C19orf81: variants seen among roughly 807,000 people sequenced by gnomAD.
The protein encoded by C19orf81 is chromosome 19 open reading frame 81.
Under a neutral mutation model 22.1 loss-of-function variants are expected in C19orf81, and 19 were observed. The ratio of observed to expected loss-of-function variants is 0.86; its 90% confidence interval spans 0.60 to 1.26. The LOEUF (loss-of-function observed/expected upper bound fraction) is 1.26, where lower values mean the gene tolerates loss of function less well. Among genes scored for constraint, C19orf81 ranks in the 50% most tolerant of loss-of-function variants. C19orf81 has a pLI of 0.00. For synonymous variants in C19orf81, 108 were observed against 113.1 expected, an observed-to-expected ratio of 0.95 and a Z score of 0.29; for missense variants, 287 against 280.7, an observed-to-expected ratio of 1.02 and a Z score of -0.16.
intron 1 of C19orf81, among the ~76,000 whole-genome samples, chr19:50,654,595 C>CTCCA (rs1984951776): frequency 6.6e-6 from 1 of 150,384 alleles, no homozygotes; most frequent in African/African-American, 2.5e-5. Flanking sequence ...CTGCACCAGG[C>CTCCA]TCCGTCCCTC....
intron 1 of C19orf81, among the ~76,000 whole-genome samples, chr19:50,651,292 C>T (rs1182686981): frequency 6.6e-6 from 1 of 152,192 alleles, no homozygotes; most frequent in Non-Finnish European, 1.5e-5. Flanking sequence ...AAAACCTTGG[C>T]CCATGCTAGG....
chr19:50,649,703 T>C (rs1984837832), intron 1 of C19orf81, 192 bp downstream of exon 1: 1 of 709,120 alleles, frequency 1.4e-6, no homozygotes, highest in Admixed American at 2.0e-5. Flanking sequence ...CCCATGAGCC[T>C]CTGCAGTTCC....
chr19:50,650,442 A>G (rs1430467896), intron 1 of C19orf81, among the ~76,000 whole-genome samples: 1 of 152,196 alleles, frequency 6.6e-6, no homozygotes, highest in Non-Finnish European at 1.5e-5. Context: ...GGCCGAGGTG[A>G]GTGGATCACC....
chr19:50,658,587 G>A (rs552621730), intron 4 of C19orf81: 1 of 265,500 alleles, frequency 3.8e-6, no homozygotes, highest in Admixed American at 4.9e-5. Flanking sequence ...GCTGTGAGGG[G>A]GTGGAAGAGA....
chr19:50,651,123 A>G (rs1222881456), intron 1 of C19orf81, among the ~76,000 whole-genome samples: 2 of 152,184 alleles, frequency 1.3e-5, no homozygotes, highest in African/African-American at 4.8e-5. Context: ...TGCCTAATGG[A>G]TGAAACGGCC....
intron 3 of C19orf81, among the ~76,000 whole-genome samples, chr19:50,657,052 T>C (rs536472815): frequency 2.2e-4 from 33 of 151,850 alleles, no homozygotes; most frequent in African/African-American, 6.0e-4. Context: ...AAAGAGGTCA[T>C]GTTTTTGACA....
At chr19:50,649,572 GC>G in intron 1 of C19orf81, 61 bp downstream of exon 1, 1 of 1,510,500 alleles carries the variant, frequency 6.6e-7, no homozygotes, top group South Asian at 1.2e-5. Flanking sequence ...GTGCGTAGTA[GC>G]CCGGGCTCAC....
rs1007445473 is a variant in C19orf81, at chr19:50,656,122, C to T, written c.140C>T (p.Ser47Leu). 10 of 1,536,132 alleles carry T rather than the reference C, an allele frequency of 6.5e-6. No individual in the cohort carries two copies. The highest frequency in any genetic ancestry group is 2.0e-5 in the Admixed American group (1 of 51,004). ...AGCCTGGGCAGGCCCATCAAATCCT[C>T]GTGAGTTGTCCCTGGCCCCCATGAC... ...ARSLGRPIKS[S>L]KQYLRQVIAE... is the part of the protein sequence containing the mutation. The change falls in exon 2 of 5, where the codon TCA becomes TTA. Residue 47 changes from serine to leucine, a missense_variant and splice_region_variant. Physicochemically the swap from Ser to Leu is moderately radical, Grantham distance 145 (BLOSUM62 -2). Coordinates refer to ENST00000425202, the MANE Select transcript of C19orf81 (RefSeq NM_001195076.2).
In C19orf81 at chr19:50,654,613, CCCTT is replaced by C. The variant is rs200893812; in HGVS notation, c.68-1419_68-1416del. On this transcript the variant is annotated intron_variant, in intron 1 of 4. Coordinates refer to ENST00000425202, the MANE Select transcript of C19orf81 (RefSeq NM_001195076.2). ...CACCAGGCTCCGTCCCTCCCTCCCT[CCCTT>C]CCTTCCTTCCTTCCTTCTCTCTTTC... is the stretch of plus-strand genomic sequence containing the variant. 7.6e-3 allele frequency among the ~76,000 whole-genome samples: 1,136 copies of C among 149,220 alleles called. 12 individuals carry two copies. The highest frequency in any genetic ancestry group is 0.012 in the Non-Finnish European group (798 of 67,240).
intron 4 of C19orf81, 90 bp downstream of exon 4, chr19:50,658,218 T>A: frequency 2.3e-6 from 3 of 1,308,474 alleles, no homozygotes; most frequent in South Asian, 2.9e-5. Flanking sequence ...TTTAGAGCGC[T>A]GAGGGACGTG....
chr19:50,650,160 C>T (rs1205748782), intron 1 of C19orf81, among the ~76,000 whole-genome samples: 1 of 152,172 alleles, frequency 6.6e-6, no homozygotes, highest in African/African-American at 2.4e-5. Context: ...TTGCTCATAA[C>T]ACTTCCTAGC....
At chr19:50,656,993 AAGGG>A (rs1178065174) in intron 3 of C19orf81, among the ~76,000 whole-genome samples, 2 of 127,064 alleles carry the variant, frequency 1.6e-5, no homozygotes, top group Non-Finnish European at 3.4e-5. Context: ...GGAAGGAAGG[AAGGG>A]AGGGAGGGAA....
intron 3 of C19orf81, among the ~76,000 whole-genome samples, chr19:50,657,287 C>T (rs189385526): frequency 1.1e-3 from 166 of 152,330 alleles, no homozygotes; most frequent in African/African-American, 3.8e-3. Context: ...CACTCCACTT[C>T]TTTGTGGCTT....
At chr19:50,655,947 C>T (rs1984984656) in intron 1 of C19orf81, 103 bp from the exon 2 acceptor site, 4 of 1,079,248 alleles carry the variant, frequency 3.7e-6, no homozygotes, top group Non-Finnish European at 5.4e-6. Flanking sequence ...GGCATACAAG[C>T]TATTCTGGGT....
rs1465267526 is a variant in C19orf81 at position 50,659,218 on chromosome 19, G to A, written c.*76G>A. ...CACCCACCCGGAGCCCCGGAGGACA[G>A]GGGGCGTTGCCTTCCCAGGAAGGAG... is the stretch of plus-strand genomic sequence containing the variant. On this transcript the variant is annotated 3_prime_UTR_variant, in exon 5 of 5. Transcript: ENST00000425202. 8.3e-7 allele frequency: 1 copy of A among 1,208,912 alleles called. No individual in the cohort carries two copies. The highest frequency in any genetic ancestry group is 1.0e-6 in the Non-Finnish European group (1 of 957,094). 74.9% of individuals were successfully genotyped at this position (1,208,912 alleles called of 1,614,324 possible). A position where few individuals can be genotyped will look rare whatever the true frequency, so the allele number is the denominator to read the frequency against.
At chr19:50,658,412 A>C (rs1985052089) in intron 4 of C19orf81, 2 of 379,240 alleles carry the variant, frequency 5.3e-6, no homozygotes, top group African/African-American at 2.1e-5. Flanking sequence ...GGGACTAGAT[A>C]AGAGCGAGAT....
chr19:50,652,087 G>C (rs766910296), intron 1 of C19orf81, among the ~76,000 whole-genome samples: 1 of 152,114 alleles, frequency 6.6e-6, no homozygotes, highest in African/African-American at 2.4e-5. Flanking sequence ...GGGCTCAAGC[G>C]ATCCTCCTGC....
chr19:50,658,934 A>T lies in C19orf81; in HGVS notation c.402-13A>T. On this transcript the variant is annotated splice_polypyrimidine_tract_variant and intron_variant, in intron 4 of 4. Transcript: ENST00000425202. ...ACCTGCGAGTTCCTTTTCCGTCCCC[A>T]CCCCCCTTACAGGTGGCTCATCGCG... 4 of 1,447,966 alleles carry T rather than the reference A, an allele frequency of 2.8e-6. No individual in the cohort carries two copies. In the South Asian group the frequency reaches 5.4e-5, roughly 19 times the overall value. The allele number at this position is 1,447,966 out of a possible 1,614,324, so 89.7% of individuals were successfully genotyped here.
At chr19:50,654,920 G>A (rs1379238835) in intron 1 of C19orf81, among the ~76,000 whole-genome samples, 1 of 152,212 alleles carries the variant, frequency 6.6e-6, no homozygotes, top group African/African-American at 2.4e-5. Flanking sequence ...TTGGCTTGGT[G>A]AGAAGATTTA....
Sources: gnomAD v4.1 joint callset for allele counts (sites outside exome capture counted in the v4.1 genomes callset) on GRCh38, gnomAD v4.1.1 for gene constraint, MANE v1.5 for transcripts, NCBI Gene and HGNC (gene_info 2026-07-23, HGNC 2026-07-21) for gene names.